The following OGDHL variants were observed in gnomAD, a reference collection of about 807,000 sequenced individuals.
OGDHL encodes 2-oxoglutarate dehydrogenase-like, mitochondrial.
Under a neutral mutation model 109.6 loss-of-function variants are expected in OGDHL, and 79 were observed. The ratio of observed to expected loss-of-function variants is 0.72; its 90% CI spans 0.60 to 0.87. OGDHL has a LOEUF of 0.87. OGDHL is among the 40% of genes least tolerant of loss of function. The pLI, the probability that OGDHL is intolerant of heterozygous loss-of-function variation, is 0.00. For synonymous variants in OGDHL, 528 were observed against 537.2 expected, an observed-to-expected ratio of 0.98 and a Z score of 0.24; for missense variants, 1,275 against 1,362.2, an observed-to-expected ratio of 0.94 and a Z score of 1.01.
chr10:49,747,029 C>T lies in OGDHL; in HGVS notation c.1167G>A (p.Lys389=), dbSNP rs1356794951. The T allele has an allele frequency of 6.2e-7, 1 of 1,613,558 alleles. No homozygotes were observed. Among genetic ancestry groups the T allele is most frequent in the Non-Finnish European group, 8.5e-7 (1 of 1,179,650 alleles). Residue 389 remains lysine, a splice_region_variant and synonymous_variant, in exon 9 of 23, where the codon AAG becomes AAA. Transcript: ENST00000374103. Reference sequence around the variant, plus strand: ...TCTGGGTTCCCCCAGGTGAGCTCACCTTCTTGCCCTGGGCATCTCCACGGT... The same window carrying T: ...TCTGGGTTCCCCCAGGTGAGCTCACTTTCTTGCCCTGGGCATCTCCACGGT... The part of the protein sequence containing the change: ...QFYRGDAQGK[K]VMSILVHGDA...
At position 49,737,773 on chromosome 10, in the gene OGDHL, G is replaced by C. The variant is rs774543469; in HGVS notation, c.2590+13C>G. 6.2e-7 allele frequency: 1 copy of C among 1,614,054 alleles called. No homozygotes were observed. Among genetic ancestry groups the C allele is most frequent in the South Asian group, 1.1e-5 (1 of 91,078 alleles). On this transcript the variant is annotated intron_variant, in intron 20 of 22. Coordinates refer to ENST00000374103, the MANE Select transcript of OGDHL (RefSeq NM_018245.3). ...ATTGTGGGCTACCCCACACACCCAGGCCAGGCACGTACCGGATACCATTTG... is the reference window on the plus strand; with the variant it reads ...ATTGTGGGCTACCCCACACACCCAGCCCAGGCACGTACCGGATACCATTTG...
rs978038860 is a variant in OGDHL at position 49,746,874 on chromosome 10, A to G, written c.1172T>C (p.Met391Thr). The change falls in exon 10 of 23, where the codon ATG becomes ACG. Residue 391 changes from methionine (M) to threonine (T), a missense_variant. Met to Thr is a moderately conservative substitution (Grantham distance 81). Transcript: ENST00000374103. ...GGCGTCCCCATGAACCAGGATGGAC[A>G]TGACCTGCAGGGCAGGTGTGAGCCA... ...YRGDAQGKKV[M>T]SILVHGDAAF... is the part of the protein sequence containing the mutation. The G allele has an allele frequency of 3.7e-6, 6 of 1,614,030 alleles. No individual in the cohort carries two copies. The highest frequency in any genetic ancestry group is 2.7e-5 in the African/African-American group (2 of 74,928).
chr10:49,745,334 G>A lies in OGDHL; in HGVS notation c.1629+10C>T, dbSNP rs1455575925. On this transcript the variant is annotated intron_variant, in intron 12 of 22. Transcript: ENST00000374103. ...TTTGTCTTGGGCGCCCCTGCAGCCT[G>A]CCTGCCCACCTCAAACTCCTGCAGG... The A allele has an allele frequency of 2.1e-5, 34 of 1,612,774 alleles. No individual in the cohort carries two copies. The highest frequency in any genetic ancestry group is 2.8e-5 in the Non-Finnish European group (33 of 1,179,864).
intron 3 of OGDHL, 71 bp downstream of exon 3, chr10:49,756,705 T>C (rs1483712372): frequency 6.9e-7 from 1 of 1,447,156 alleles, no homozygotes; most frequent in East Asian, 2.4e-5. Context: ...CTGAGACCCC[T>C]TCCCTTCAGT....
intron 11 of OGDHL, 133 bp downstream of exon 11, chr10:49,745,665 C>T: frequency 7.7e-7 from 1 of 1,297,984 alleles, no homozygotes; most frequent in Non-Finnish European, 1.1e-6. Flanking sequence ...GCACAGATTG[C>T]TCTTGGTGGC....
Position 49,744,101 on chromosome 10 carries a change from T to C in OGDHL, c.1754A>G (p.Glu585Gly). 1 of 1,613,874 alleles carries C rather than the reference T, an allele frequency of 6.2e-7. No homozygotes were observed. Among genetic ancestry groups the C allele is most frequent in the Non-Finnish European group, 8.5e-7 (1 of 1,179,888 alleles). The change falls in exon 14 of 23, where the codon GAG becomes GGG. Residue 585 changes from glutamate (E) to glycine (G), a missense_variant. By Grantham distance (98) the Glu-to-Gly change is moderately conservative (BLOSUM62 -2). Transcript: ENST00000374103. ...PWPGFFNVDG[E>G]PKSMTCPATG... ...GGCTGGGCATGTCATGCTCTTGGGC[T>C]CCCCATCTACGTTGAAGAAGCCTGA...
In OGDHL at chr10:49,745,508, G is replaced by A; in HGVS notation, c.1477-12C>T. ...CGGCGGTAACAGACCTGCAGGAGCA[G>A]CCAGAGGGGCTCAGGCCCTTCCCTA... On this transcript the variant is annotated splice_polypyrimidine_tract_variant and intron_variant, in intron 11 of 22. Coordinates refer to ENST00000374103, the MANE Select transcript of OGDHL (RefSeq NM_018245.3). The A allele has an allele frequency of 1.2e-6, 2 of 1,613,350 alleles. No homozygotes were observed. The highest frequency in any genetic ancestry group is 1.1e-5 in the South Asian group (1 of 91,076).
chr10:49,758,074 C>T (rs1398595983), intron 2 of OGDHL, among the ~76,000 whole-genome samples: 2 of 152,186 alleles, frequency 1.3e-5, no homozygotes, highest in Non-Finnish European at 2.9e-5. Context: ...CAGATCAATA[C>T]ATACACAAAC....
chr10:49,750,699 G>T, intron 7 of OGDHL, 140 bp downstream of exon 7: 1 of 1,194,820 alleles, frequency 8.4e-7, no homozygotes, highest in Non-Finnish European at 1.1e-6. Context: ...GCCAGGCCCA[G>T]GACTCAGAAC....
At position 49,747,110 on chromosome 10, in the gene OGDHL, G is replaced by T; in HGVS notation, c.1086C>A (p.Ser362=). ...NITLSLVANP[S]HLEAVDPVVQ... Reference sequence around the variant, plus strand: ...CCACAGGGTCCACTGCCTCCAGGTGGGAGGGGTTGGCAACCAGCGACAGAG... The same window carrying T: ...CCACAGGGTCCACTGCCTCCAGGTGTGAGGGGTTGGCAACCAGCGACAGAG... Residue 362 remains serine (S), a synonymous_variant, in exon 9 of 23, where the codon TCC becomes TCA. Transcript: ENST00000374103. 6.2e-7 allele frequency: 1 copy of T among 1,614,216 alleles called. No individual in the cohort carries two copies. Among genetic ancestry groups the T allele is most frequent in the Non-Finnish European group, 8.5e-7 (1 of 1,180,032 alleles).
At chr10:49,754,676 G>GA (rs34646233) in intron 3 of OGDHL, among the ~76,000 whole-genome samples, 58,047 of 147,392 alleles carry the variant, frequency 0.39, 13,812 homozygotes, top group East Asian at 0.88. Context: ...AGCTGATTTT[G>GA]AAAAAAAAAA....
At chr10:49,749,461 T>A (rs568455772) in intron 8 of OGDHL, among the ~76,000 whole-genome samples, 1 of 152,222 alleles carries the variant, frequency 6.6e-6, no homozygotes, top group African/African-American at 2.4e-5. Context: ...AGCCTTTGCA[T>A]CTTTGGGCTT....
At chr10:49,737,632 C>A (rs1841297018) in intron 20 of OGDHL, among the ~76,000 whole-genome samples, 154 bp downstream of exon 20, 1 of 152,162 alleles carries the variant, frequency 6.6e-6, no homozygotes, top group Non-Finnish European at 1.5e-5. Flanking sequence ...TGCCAACCTC[C>A]CAACCCTACT....
chr10:49,755,560 T>C (rs183743444), intron 3 of OGDHL, among the ~76,000 whole-genome samples: 1 of 150,138 alleles, frequency 6.7e-6, no homozygotes, highest in African/African-American at 2.4e-5. Context: ...TAATACAGTG[T>C]TTTTTTTTCA....
intron 15 of OGDHL, among the ~76,000 whole-genome samples, chr10:49,741,984 ACCACACACAC>A (rs961577840): frequency 7.1e-5 from 10 of 141,268 alleles, no homozygotes; most frequent in African/African-American, 2.7e-4. Context: ...CACACACACA[ACCACACACAC>A]CCCACAAATA....
chr10:49,742,932 C>T lies in OGDHL; in HGVS notation c.1908G>A (p.Arg636=). Residue 636 remains arginine (R), a synonymous_variant, in exon 15 of 23, where the codon CGG becomes CGA. Coordinates refer to ENST00000374103, the MANE Select transcript of OGDHL (RefSeq NM_018245.3). ...LRGRADMTKN[R]TVDWALAEYM... The stretch of plus-strand genomic sequence containing the variant: ...ACTCTGCCAACGCCCAGTCCACCGT[C>T]CGGTTCTTGGTCATGTCCGCACGGC... 12 of 1,614,020 alleles carry T rather than the reference C, an allele frequency of 7.4e-6. No individual in the cohort carries two copies. The highest frequency in any genetic ancestry group is 1.0e-5 in the Non-Finnish European group (12 of 1,180,018).
At position 49,746,628 on chromosome 10, in the gene OGDHL, G is replaced by C. The variant is rs1359921158; in HGVS notation, c.1296+122C>G. 3 of 1,309,270 alleles carry C rather than the reference G, an allele frequency of 2.3e-6. No homozygotes were observed. The Admixed American group carries it at 6.4e-5, about 28-fold the overall frequency. 81.1% of individuals were successfully genotyped at this position (1,309,270 alleles called of 1,614,324 possible). On this transcript the variant is annotated intron_variant, in intron 10 of 22. Transcript: ENST00000374103. ...CCAAGGCTGGAAAGAGCAGGGTCCTGCCTGGTAAGCAGCACAGCAGTGGGC... is the reference window on the plus strand; with the variant it reads ...CCAAGGCTGGAAAGAGCAGGGTCCTCCCTGGTAAGCAGCACAGCAGTGGGC...
chr10:49,757,572 G>A (rs1842991870), intron 2 of OGDHL, among the ~76,000 whole-genome samples: 1 of 152,184 alleles, frequency 6.6e-6, no homozygotes, highest in African/African-American at 2.4e-5. Context: ...ATGATGCACT[G>A]CAGCACTGTT....
intron 3 of OGDHL, among the ~76,000 whole-genome samples, chr10:49,754,298 T>C (rs1840504170): frequency 6.6e-6 from 1 of 152,224 alleles, no homozygotes; most frequent in African/African-American, 2.4e-5. Flanking sequence ...AAGGACAGTA[T>C]ACCTACAGCA....
Sources: allele counts gnomAD v4.1 joint callset (sites outside exome capture counted in the v4.1 genomes callset), GRCh38; gene constraint gnomAD v4.1.1; transcripts MANE v1.5; gene names NCBI Gene and HGNC (gene_info 2026-07-23, HGNC 2026-07-21).